Variants in CMAS observed in about 807,000 individuals in gnomAD.
CMAS encodes the protein cytidine monophosphate N-acetylneuraminic acid synthetase.
Under a neutral mutation model 53.4 loss-of-function variants are expected in CMAS, and 21 were observed. The ratio of observed to expected loss-of-function variants is 0.39; its 90% CI spans 0.28 to 0.57. CMAS has a LOEUF of 0.57. CMAS is among the 20% of genes least tolerant of loss of function. The pLI, the probability that CMAS is intolerant of heterozygous loss-of-function variation, is 0.56. For synonymous variants in CMAS, 189 were observed against 195.2 expected (o/e 0.97, Z 0.27); for missense variants, 384 against 534.9 (o/e 0.72, Z 2.78).
intron 4 of CMAS, among the ~76,000 whole-genome samples, chr12:22,060,305 G>A (rs1396018983): frequency 8.0e-6 from 1 of 125,240 alleles, no homozygotes; most frequent in African/African-American, 3.1e-5. Flanking sequence ...AAATGTTAAG[G>A]TTATTTCTTT....
chr12:22,049,979 T>C (rs1216006915), intron 1 of CMAS, among the ~76,000 whole-genome samples: 1 of 152,128 alleles, frequency 6.6e-6, no homozygotes, highest in Admixed American at 6.5e-5. Context: ...CATGTAACAA[T>C]GTGAATTTAC....
In CMAS at chr12:22,055,279, A is replaced by C. The variant is rs1231534197; in HGVS notation, c.391A>C (p.Asn131His). 3.1e-6 allele frequency: 5 copies of C among 1,602,680 alleles called. No individual in the cohort carries two copies. Among genetic ancestry groups the C allele is most frequent in the Non-Finnish European group, 4.3e-6 (5 of 1,171,842 alleles). The part of the protein sequence containing the change: ...TSLDAIIEFL[N>H]YHNEVDIVGN... ...ACTAGATGCCATCATAGAATTTCTT[A>C]ATTATCATAATGGTATGAATTTGAT... The change falls in exon 2 of 8, where the codon AAT becomes CAT. Residue 131 changes from asparagine (N) to histidine (H), a missense_variant. Transcript: ENST00000229329.
At position 22,060,835 on chromosome 12, in the gene CMAS, G is replaced by A. The variant is rs1316332354; in HGVS notation, c.697G>A (p.Gly233Arg). The A allele has an allele frequency of 1.3e-6, 2 of 1,593,862 alleles. No homozygotes were observed. The highest frequency in any genetic ancestry group is 1.1e-5 in the South Asian group (1 of 90,274). Residue 233 changes from glycine to arginine, a missense_variant, in exon 5 of 8, where the codon GGA (glycine) becomes AGA (arginine). By Grantham distance (125) the Gly-to-Arg change is moderately radical. Transcript: ENST00000229329. ...ATGACATTTATACTACCTTTAGGGTGGAAAAATGGCATACTACGAAATGCG... is the reference window on the plus strand; with the variant it reads ...ATGACATTTATACTACCTTTAGGGTAGAAAAATGGCATACTACGAAATGCG... The part of the protein sequence containing the change: ...HLIEMGYLQG[G>R]KMAYYEMRAE...
chr12:22,055,335 TC>T (rs1950260859), intron 2 of CMAS, 44 bp downstream of exon 2: 2 of 1,504,416 alleles, frequency 1.3e-6, no homozygotes, highest in African/African-American at 2.8e-5. Flanking sequence ...TATGTACTTT[TC>T]TACTTCCTTT....
At position 22,058,496 on chromosome 12, in the gene CMAS, T is replaced by C. The variant is rs996777948; in HGVS notation, c.560-71T>C. 4 of 1,379,762 alleles carry C rather than the reference T, an allele frequency of 2.9e-6. No homozygotes were observed. In the Admixed American group the frequency reaches 8.9e-5, roughly 31 times the overall value. 85.5% of individuals were successfully genotyped at this position (1,379,762 alleles called of 1,614,324 possible). The stretch of plus-strand genomic sequence containing the variant: ...GCATTCTGAGTTCATTTTTATTAAC[T>C]TTTTTAGTTACTAAATTAACACTTT... On this transcript the variant is annotated intron_variant, in intron 3 of 7. Transcript: ENST00000229329.
chr12:22,055,657 A>G (rs759425087), intron 3 of CMAS, 47 bp downstream of exon 3: 27 of 1,516,442 alleles, frequency 1.8e-5, no homozygotes, highest in Non-Finnish European at 2.3e-5. Context: ...TTGAGAATCA[A>G]TTTTTTTGTA....
At chr12:22,051,645 C>G (rs1229200995) in intron 1 of CMAS, among the ~76,000 whole-genome samples, 3 of 152,172 alleles carry the variant, frequency 2.0e-5, no homozygotes, top group Non-Finnish European at 4.4e-5. Flanking sequence ...TACTCAGTCT[C>G]TTTCATAGGT....
At chr12:22,062,939 G>C (rs118141987) in intron 7 of CMAS, among the ~76,000 whole-genome samples, 276 of 152,286 alleles carry the variant, frequency 1.8e-3, no homozygotes, top group Admixed American at 3.1e-3. Context: ...CCACTTAAAT[G>C]TCCTGTGAAA....
At position 22,061,404 on chromosome 12, in the gene CMAS, T is replaced by A. The variant is rs755678243; in HGVS notation, c.912T>A (p.Asp304Glu). ...ACCAAAAAGAAATAATATCTTATGA[T>A]GTAAAAGATGCTATTGGGATAAGTT... ...SGDQKEIISYDVKDAIGISLL... is the reference protein window; with the variant it reads ...SGDQKEIISYEVKDAIGISLL... The change falls in exon 6 of 8, where the codon GAT (aspartate) becomes GAA (glutamate). Residue 304 changes from aspartate (D) to glutamate (E), a missense_variant. Physicochemically the swap from Asp to Glu is conservative, Grantham distance 45. Around this residue, in one of 3 missense-constraint regions of CMAS, gnomAD observed 134 missense variants for 154.6 expected, o/e 0.87. Coordinates refer to ENST00000229329, the MANE Select transcript of CMAS (RefSeq NM_018686.6). The A allele has an allele frequency of 6.2e-7, 1 of 1,604,962 alleles. No individual in the cohort carries two copies. Among genetic ancestry groups the A allele is most frequent in the Non-Finnish European group, 8.5e-7 (1 of 1,172,874 alleles).
At chr12:22,054,323 C>T (rs553812938) in intron 1 of CMAS, among the ~76,000 whole-genome samples, 4 of 152,302 alleles carry the variant, frequency 2.6e-5, no homozygotes, top group African/African-American at 9.6e-5. Context: ...ACTGGTACCC[C>T]TCTCCAAAAC....
chr12:22,053,764 A>G (rs1382672919), intron 1 of CMAS, among the ~76,000 whole-genome samples: 1 of 148,606 alleles, frequency 6.7e-6, no homozygotes, highest in Non-Finnish European at 1.5e-5. Context: ...CTGTAGTCCC[A>G]GCTACTTGGG....
intron 7 of CMAS, among the ~76,000 whole-genome samples, chr12:22,063,134 G>A (rs1950319607): frequency 6.6e-6 from 1 of 152,180 alleles, no homozygotes; most frequent in Non-Finnish European, 1.5e-5. Context: ...CTTTCTGCTT[G>A]CAGAGCTTAC....
chr12:22,062,785 T>TA, intron 7 of CMAS, among the ~76,000 whole-genome samples: 1 of 152,190 alleles, frequency 6.6e-6, no homozygotes, highest in South Asian at 2.1e-4. Context: ...ATAATATGAG[T>TA]AAAGCACTTA....
At chr12:22,059,385 C>G (rs1282350476) in intron 4 of CMAS, among the ~76,000 whole-genome samples, 1 of 151,898 alleles carries the variant, frequency 6.6e-6, no homozygotes, top group Non-Finnish European at 1.5e-5. Flanking sequence ...CATATGTTAT[C>G]TTATGTAATC....
intron 7 of CMAS, 22 bp downstream of exon 7, chr12:22,062,456 CATAGTAAA>C: frequency 1.9e-6 from 3 of 1,606,082 alleles, no homozygotes; most frequent in Non-Finnish European, 2.6e-6. Context: ...TTTATTCACC[CATAGTAAA>C]ATGGACCAGG....
At chr12:22,055,434 C>A in intron 2 of CMAS, 21 bp from the exon 3 acceptor site, 1 of 1,556,562 alleles carries the variant, frequency 6.4e-7, no homozygotes, top group Non-Finnish European at 8.6e-7. Context: ...ATATCCTTTT[C>A]ATTTCTCTTG....
intron 4 of CMAS, among the ~76,000 whole-genome samples, chr12:22,059,846 GA>G (rs34464090): frequency 0.051 from 7,580 of 147,188 alleles, 624 homozygotes; most frequent in African/African-American, 0.18. Context: ...TGACAATTCT[GA>G]AAAAAAAAAT....
At chr12:22,054,619 ATT>A (rs34999564) in intron 1 of CMAS, among the ~76,000 whole-genome samples, 5 of 145,840 alleles carry the variant, frequency 3.4e-5, no homozygotes, top group South Asian at 2.1e-4. Context: ...AGCCAAGTCC[ATT>A]TTTTTTTTTT....
chr12:22,057,733 A>C (rs1174514733), intron 3 of CMAS, among the ~76,000 whole-genome samples: 1 of 152,130 alleles, frequency 6.6e-6, no homozygotes, highest in African/African-American at 2.4e-5. Context: ...ATTGTTCCAC[A>C]TTTCATTATA....
Sources: gnomAD v4.1 joint callset for allele counts (sites outside exome capture counted in the v4.1 genomes callset) on GRCh38, gnomAD v4.1.1 for gene constraint, gnomAD v4.1.1 regional missense constraint, MANE v1.5 for transcripts, NCBI Gene and HGNC (gene_info 2026-07-23, HGNC 2026-07-21) for gene names.